SEMA4D: variants seen among roughly 807,000 people sequenced by gnomAD.
SEMA4D encodes the protein semaphorin-4D.
Under a neutral mutation model 74.8 loss-of-function variants are expected in SEMA4D, and 22 were observed. The observed-to-expected ratio is 0.29, with a 90% CI of 0.21 to 0.42. The LOEUF is 0.42. Ranked by LOEUF, SEMA4D falls within the 10% of genes least tolerant of loss-of-function variation. The pLI is 1.00. For missense variants in SEMA4D, 937 were observed against 1,118.4 expected, an observed-to-expected ratio of 0.84 and a Z score of 2.31; for synonymous variants, 445 against 463.7, an observed-to-expected ratio of 0.96 and a Z score of 0.52.
At chr9:89,457,514 A>G (rs1467135515) in intron 1 of SEMA4D, among the ~76,000 whole-genome samples, 1 of 149,820 alleles carries the variant, frequency 6.7e-6, no homozygotes, top group Non-Finnish European at 1.5e-5. Context: ...ACATGGGAGG[A>G]TCGCTTGGGC....
chr9:89,476,253 A>C (rs1563976800), intron 1 of SEMA4D, among the ~76,000 whole-genome samples: 1 of 151,864 alleles, frequency 6.6e-6, no homozygotes, highest in African/African-American at 2.4e-5. Context: ...GCAAGCTCAC[A>C]CACCTTACCT....
At position 89,484,507 on chromosome 9, in the gene SEMA4D, G is replaced by A. The variant is rs1417490571; in HGVS notation, c.-310+13412C>T. ...TGTATGTACCACGTGGTGGGTTTGT[G>A]TAGTGTGTGTGGTGTGTATGGACTG... is the stretch of plus-strand genomic sequence containing the variant. On this transcript the variant is annotated intron_variant, in intron 1 of 15. Transcript: ENST00000422704. This position sits in a 1 kb window ranked among gnomAD's most constrained non-coding sequence, Gnocchi z 4.1. Among the ~76,000 whole-genome samples, 1 of 151,552 alleles carries A rather than the reference G, an allele frequency of 6.6e-6. No homozygotes were observed. The highest frequency in any genetic ancestry group is 1.9e-4 in the East Asian group (1 of 5,136).
At chr9:89,435,025 G>A (rs1469512387) in intron 2 of SEMA4D, among the ~76,000 whole-genome samples, 1 of 152,120 alleles carries the variant, frequency 6.6e-6, no homozygotes, top group East Asian at 1.9e-4. Context: ...TTTAATACTG[G>A]GAAGTCCCAA....
chr9:89,424,971 A>G (rs747751592), intron 2 of SEMA4D, among the ~76,000 whole-genome samples: 2 of 152,008 alleles, frequency 1.3e-5, no homozygotes, highest in African/African-American at 4.8e-5. Flanking sequence ...TCAGCCCCCA[A>G]TCTAGTGTCC....
chr9:89,470,061 G>C (rs1859784274), intron 1 of SEMA4D, among the ~76,000 whole-genome samples: 1 of 152,248 alleles, frequency 6.6e-6, no homozygotes, highest in Admixed American at 6.5e-5. Flanking sequence ...GCAAAGTCAA[G>C]AGGGTCCAAG....
chr9:89,466,561 GCAT>G lies in SEMA4D; in HGVS notation c.-309-10611_-309-10609del, dbSNP rs544987638. Among the ~76,000 whole-genome samples, 6 of 152,284 alleles carry G rather than the reference GCAT, an allele frequency of 3.9e-5. No individual in the cohort carries two copies. The East Asian group carries it at 9.6e-4, about 24-fold the overall frequency. Reference sequence around the variant, plus strand: ...CCTTTCTGTCTAGACCATACGCAGTGCATCATCGAGGGAGCACACAGCCCCCGT... The same window carrying G: ...CCTTTCTGTCTAGACCATACGCAGTGCATCGAGGGAGCACACAGCCCCCGT... On this transcript the variant is annotated intron_variant, in intron 1 of 15. Transcript: ENST00000422704.
At chr9:89,474,363 G>A (rs1292121584) in intron 1 of SEMA4D, among the ~76,000 whole-genome samples, 1 of 127,586 alleles carries the variant, frequency 7.8e-6, no homozygotes, top group Non-Finnish European at 1.8e-5. Context: ...ATCCAAATAA[G>A]AACATCACAA....
Position 89,398,235 on chromosome 9 carries a change from A to G in SEMA4D, c.315+1041T>C, listed in dbSNP as rs190321903. 5.3e-5 allele frequency among the ~76,000 whole-genome samples: 8 copies of G among 152,212 alleles called. No individual in the cohort carries two copies. In the East Asian group the frequency reaches 1.4e-3, roughly 26 times the overall value. ...CCCACCCTGCCCTCATCCTGTGCCT[A>G]TAAGAGCCCAGACTCAGTTGATAGA... On this transcript the variant is annotated intron_variant, in intron 5 of 15. Coordinates refer to ENST00000422704, the MANE Select transcript of SEMA4D (RefSeq NM_001371194.2).
At chr9:89,419,379 G>A (rs1265745766) in intron 2 of SEMA4D, among the ~76,000 whole-genome samples, 1 of 152,142 alleles carries the variant, frequency 6.6e-6, no homozygotes, top group Non-Finnish European at 1.5e-5. Flanking sequence ...GAAACTCCTG[G>A]GGCAGGGCTG....
chr9:89,411,943 C>A (rs764947602), intron 2 of SEMA4D, among the ~76,000 whole-genome samples: 1 of 152,244 alleles, frequency 6.6e-6, no homozygotes, highest in Non-Finnish European at 1.5e-5. Context: ...CCTGCCCCCT[C>A]CCTCCGATGC....
intron 2 of SEMA4D, among the ~76,000 whole-genome samples, chr9:89,407,822 C>A (rs1843638922): frequency 1.3e-5 from 2 of 152,252 alleles, no homozygotes; most frequent in Non-Finnish European, 2.9e-5. Flanking sequence ...GCTGTCTCTC[C>A]TGCCTGTCAA....
At chr9:89,425,423 G>A (rs900556551) in intron 2 of SEMA4D, among the ~76,000 whole-genome samples, 6 of 152,258 alleles carry the variant, frequency 3.9e-5, no homozygotes, top group Non-Finnish European at 7.3e-5. Context: ...GCAAGGGTGA[G>A]GAAGTGACTG....
chr9:89,375,444 G>A (rs1280981241), downstream of SEMA4D, among the ~76,000 whole-genome samples: 1 of 152,222 alleles, frequency 6.6e-6, no homozygotes, highest in African/African-American at 2.4e-5. Context: ...CCTGTCCAGT[G>A]CTGGCTGCCA....
chr9:89,394,107 T>C (rs2133288052), intron 6 of SEMA4D, among the ~76,000 whole-genome samples: 1 of 152,308 alleles, frequency 6.6e-6, no homozygotes, highest in Non-Finnish European at 1.5e-5. Context: ...AGGCAGAATC[T>C]CTACGTCGCT....
chr9:89,380,807 GA>G (rs1836860133), intron 15 of SEMA4D, among the ~76,000 whole-genome samples: 2 of 152,178 alleles, frequency 1.3e-5, no homozygotes, highest in African/African-American at 2.4e-5. Flanking sequence ...TAAGCAGAAA[GA>G]AAACAGGATG....
At chr9:89,399,031 T>C (rs932454623) in intron 5 of SEMA4D, among the ~76,000 whole-genome samples, 1 of 152,198 alleles carries the variant, frequency 6.6e-6, no homozygotes, top group African/African-American at 2.4e-5. Flanking sequence ...TCAATTCATA[T>C]AAACTTTAAA....
chr9:89,483,232 C>T (rs1824864909), intron 1 of SEMA4D, among the ~76,000 whole-genome samples: 2 of 152,206 alleles, frequency 1.3e-5, no homozygotes, highest in Non-Finnish European at 2.9e-5. Flanking sequence ...GGGAGCCAGG[C>T]GGCTTCCCAG....
chr9:89,497,584 C>A (rs1416299244), intron 1 of SEMA4D, among the ~76,000 whole-genome samples: 1 of 151,734 alleles, frequency 6.6e-6, no homozygotes, highest in Non-Finnish European at 1.5e-5. Flanking sequence ...CCCGCTCCCC[C>A]GCGCCCAGAG....
At chr9:89,391,685 C>T (rs1839912330) in intron 8 of SEMA4D, among the ~76,000 whole-genome samples, 3 of 152,244 alleles carry the variant, frequency 2.0e-5, no homozygotes, top group Admixed American at 1.3e-4. Flanking sequence ...CCCAGGTTCA[C>T]CCCAAGAACT....
Sources: allele counts gnomAD v4.1 joint callset (sites outside exome capture counted in the v4.1 genomes callset), GRCh38; gene constraint gnomAD v4.1.1; non-coding constraint Gnocchi (gnomAD v3.1); transcripts MANE v1.5; gene names NCBI Gene and HGNC (gene_info 2026-07-23, HGNC 2026-07-21).